Variants in ARHGEF38 observed in about 807,000 individuals in gnomAD.
The protein encoded by ARHGEF38 is Rho guanine nucleotide exchange factor (GEF) 38.
A neutral mutation model predicts 79.9 loss-of-function variants in ARHGEF38; 79 were observed. The ratio of observed to expected loss-of-function variants is 0.99; its 90% confidence interval spans 0.82 to 1.19. The LOEUF is 1.19. Ranked by LOEUF, ARHGEF38 falls within the 50% of genes most tolerant of loss-of-function variation. The pLI, the probability that ARHGEF38 is intolerant of heterozygous loss-of-function variation, is 0.00. For missense variants in ARHGEF38, 962 were observed against 907.2 expected, an observed-to-expected ratio of 1.06 and a Z score of -0.78; for synonymous variants, 366 against 328.3, an observed-to-expected ratio of 1.11 and a Z score of -1.24.
intron 2 of ARHGEF38, among the ~76,000 whole-genome samples, chr4:105,607,928 A>G (rs1728121525): frequency 1.3e-5 from 2 of 152,060 alleles, no homozygotes; most frequent in Admixed American, 1.3e-4. Context: ...TGCCAAAGAT[A>G]GAAACTTACA....
At chr4:105,655,542 A>T in intron 8 of ARHGEF38, 61 bp from the exon 9 acceptor site, 5 of 1,499,850 alleles carry the variant, frequency 3.3e-6, no homozygotes, top group Non-Finnish European at 4.4e-6. Context: ...CACATTTGGG[A>T]TATGTTAATT....
intron 4 of ARHGEF38, among the ~76,000 whole-genome samples, chr4:105,634,193 CAAGTT>C (rs1444010751): frequency 6.6e-6 from 1 of 152,148 alleles, no homozygotes; most frequent in Non-Finnish European, 1.5e-5. Context: ...CATACACACT[CAAGTT>C]AAGAACTAAA....
chr4:105,673,606 G>A (rs1012940517), intron 13 of ARHGEF38, among the ~76,000 whole-genome samples: 8 of 151,910 alleles, frequency 5.3e-5, no homozygotes, highest in Admixed American at 5.3e-4. Context: ...ATAGTATGAG[G>A]TAAAAAACAG....
At chr4:105,649,677 A>T (rs527246844) in intron 7 of ARHGEF38, among the ~76,000 whole-genome samples, 1 of 152,246 alleles carries the variant, frequency 6.6e-6, no homozygotes, top group East Asian at 1.9e-4. Context: ...ATGGTGGTTC[A>T]TGTTGGTTTC....
rs189615529 is a variant in ARHGEF38 at position 105,630,865 on chromosome 4, G to T, written c.509-33G>T. ...ATGTGAAGTGCCAGCTTTGTCTGAT[G>T]ATGTCATTTTGCCTTTGTTTTGCAT... On this transcript the variant is annotated intron_variant, in intron 3 of 13. Transcript: ENST00000420470. The T allele has an allele frequency of 1.1e-3, 1,754 of 1,566,510 alleles. 15 individuals are homozygous for T. In the African/African-American group the frequency reaches 0.014, roughly 13 times the overall value.
chr4:105,621,943 A>G (rs1728750759), intron 3 of ARHGEF38, among the ~76,000 whole-genome samples: 1 of 152,124 alleles, frequency 6.6e-6, no homozygotes, highest in East Asian at 1.9e-4. Context: ...CGCTTTGGAG[A>G]AAATGACAAT....
intron 1 of ARHGEF38, among the ~76,000 whole-genome samples, chr4:105,585,291 T>C (rs569319905): frequency 6.6e-6 from 1 of 152,324 alleles, no homozygotes; most frequent in Non-Finnish European, 1.5e-5. Flanking sequence ...TTTTCATGCA[T>C]AGTTTACAGG....
In ARHGEF38 at chr4:105,677,914, C is replaced by T. The variant is rs778678450; in HGVS notation, c.2311C>T (p.Leu771Phe). ...GAAAGGATACGTGCCAGCTAACTAC[C>T]TTGGAAAGATGACTTATGCTTAAGA... ...GQKGYVPANY[L>F]GKMTYA Residue 771 changes from leucine to phenylalanine, a missense_variant, in exon 14 of 14, where the codon CTT becomes TTT. Transcript: ENST00000420470. The T allele has an allele frequency of 6.6e-7, 1 of 1,524,506 alleles. No individual in the cohort carries two copies. The highest frequency in any genetic ancestry group is 1.2e-5 in the South Asian group (1 of 82,336). 94.4% of individuals were successfully genotyped at this position (1,524,506 alleles called of 1,614,324 possible). A position where few individuals can be genotyped will look rare whatever the true frequency, so the allele number is the denominator to read the frequency against.
downstream of ARHGEF38, among the ~76,000 whole-genome samples, chr4:105,681,957 G>C (rs1218416272): frequency 1.3e-5 from 2 of 152,154 alleles, no homozygotes; most frequent in Non-Finnish European, 2.9e-5. Flanking sequence ...CATCTGCAAA[G>C]ACCTTTGTGA....
At chr4:105,635,701 A>G (rs371044954) in intron 4 of ARHGEF38, among the ~76,000 whole-genome samples, 1 of 152,116 alleles carries the variant, frequency 6.6e-6, no homozygotes, top group African/African-American at 2.4e-5. Context: ...GATTGGAAGG[A>G]AATATTGGGC....
intron 5 of ARHGEF38, among the ~76,000 whole-genome samples, chr4:105,642,563 A>G (rs949083927): frequency 6.6e-6 from 1 of 152,154 alleles, no homozygotes; most frequent in Non-Finnish European, 1.5e-5. Context: ...TTTAAAGTTA[A>G]AGTTCTTAAC....
chr4:105,589,176 A>G, intron 1 of ARHGEF38, 72 bp from the exon 2 acceptor site: 1 of 1,264,730 alleles, frequency 7.9e-7, no homozygotes, highest in Non-Finnish European at 1.1e-6. Context: ...AGTCCTTCGA[A>G]GGCGTTGTTT....
At chr4:105,616,028 A>G (rs1003415683) in intron 3 of ARHGEF38, among the ~76,000 whole-genome samples, 1 of 152,190 alleles carries the variant, frequency 6.6e-6, no homozygotes, top group Non-Finnish European at 1.5e-5. Context: ...GAGAGGCATG[A>G]AGCCATCGGG....
chr4:105,672,031 G>T (rs901168726), intron 13 of ARHGEF38, among the ~76,000 whole-genome samples: 1 of 152,074 alleles, frequency 6.6e-6, no homozygotes, highest in Admixed American at 6.5e-5. Context: ...GGTATCTTTG[G>T]GTCTCTAAAG....
intron 6 of ARHGEF38, 38 bp downstream of exon 6, chr4:105,645,425 T>C (rs1729798826): frequency 2.8e-6 from 4 of 1,441,678 alleles, no homozygotes; most frequent in Non-Finnish European, 1.8e-6. Flanking sequence ...TTTTCCATTA[T>C]TGGAGTGTTT....
At chr4:105,670,185 TA>T (rs1479780666) in intron 13 of ARHGEF38, among the ~76,000 whole-genome samples, 1 of 152,192 alleles carries the variant, frequency 6.6e-6, no homozygotes, top group East Asian at 1.9e-4. Flanking sequence ...AGTGTATGTT[TA>T]AATTTTTAAG....
intron 5 of ARHGEF38, among the ~76,000 whole-genome samples, chr4:105,643,872 C>CTTT (rs5860804): frequency 1.7e-3 from 166 of 98,038 alleles, no homozygotes; most frequent in East Asian, 2.7e-3. Flanking sequence ...TGCCTTCCTA[C>CTTT]TTTTTTTTTT....
At chr4:105,662,042 T>C (rs1265272401) in intron 10 of ARHGEF38, among the ~76,000 whole-genome samples, 1 of 152,176 alleles carries the variant, frequency 6.6e-6, no homozygotes, top group African/African-American at 2.4e-5. Flanking sequence ...ATTGCCAGAT[T>C]CCCTGCTTAA....
At chr4:105,571,235 G>A (rs561379911) in intron 1 of ARHGEF38, among the ~76,000 whole-genome samples, 3 of 151,966 alleles carry the variant, frequency 2.0e-5, no homozygotes, top group Non-Finnish European at 4.4e-5. Context: ...ATCCATCTAC[G>A]GGAGGAAAAA....
Sources: gnomAD v4.1 joint callset for allele counts (sites outside exome capture counted in the v4.1 genomes callset) on GRCh38, gnomAD v4.1.1 for gene constraint, MANE v1.5 for transcripts, NCBI Gene and HGNC (gene_info 2026-07-23, HGNC 2026-07-21) for gene names.